PCDHA6: variants seen among roughly 807,000 people sequenced by gnomAD.
The protein encoded by PCDHA6 is protocadherin alpha-6.
PCDHA6 carries 55 observed loss-of-function variants against 60.3 expected under a neutral mutation model. The observed-to-expected ratio is 0.91, with a 90% CI of 0.73 to 1.14. The LOEUF is 1.14. Among genes scored for constraint, PCDHA6 ranks in the 50% most tolerant of loss-of-function variants. The pLI is 0.00. For missense variants in PCDHA6, 1,327 were observed against 1,256.5 expected (o/e 1.06, Z -0.85); for synonymous variants, 652 against 557.9 (o/e 1.17, Z -2.38).
At chr5:140,960,148 T>C (rs782110022) in intron 1 of PCDHA6, among the ~76,000 whole-genome samples, 16 of 152,198 alleles carry the variant, frequency 1.1e-4, no homozygotes, top group Admixed American at 4.6e-4. Context: ...ATTAATAGCT[T>C]GAGACTGATA....
chr5:140,849,506 T>C, intron 1 of PCDHA6: 1 of 1,596,374 alleles, frequency 6.3e-7, no homozygotes, highest in African/African-American at 1.4e-5. Context: ...GTACACTTCT[T>C]GTGGAAGTTG....
At chr5:141,007,878 C>G (rs1316002060) in intron 3 of PCDHA6, among the ~76,000 whole-genome samples, 5 of 152,212 alleles carry the variant, frequency 3.3e-5, no homozygotes, top group African/African-American at 7.2e-5. Flanking sequence ...TTGTCTTACA[C>G]TTCTTTAAAA....
intron 1 of PCDHA6, among the ~76,000 whole-genome samples, chr5:140,888,192 A>T (rs906159358): frequency 6.6e-6 from 1 of 152,120 alleles, no homozygotes; most frequent in Non-Finnish European, 1.5e-5. Context: ...TGAATTTTAC[A>T]TTGTCGGATG....
At position 140,969,285 on chromosome 5, in the gene PCDHA6, C is replaced by T. The variant is rs782734189; in HGVS notation, c.2395-9664C>T. The stretch of plus-strand genomic sequence containing the variant: ...CTCACAGGCCAAAGTGGTCAGAATG[C>T]TGGGAACCTGATTATTCTCAAAAAT... On this transcript the variant is annotated intron_variant, in intron 1 of 3. Coordinates refer to ENST00000529310, the MANE Select transcript of PCDHA6 (RefSeq NM_018909.4). 51 of 1,614,062 alleles carry T rather than the reference C, an allele frequency of 3.2e-5. No individual in the cohort carries two copies. The highest frequency in any genetic ancestry group is 4.3e-5 in the Non-Finnish European group (51 of 1,180,038).
At chr5:140,992,282 TG>T (rs1554252798) in intron 3 of PCDHA6, among the ~76,000 whole-genome samples, 1 of 152,178 alleles carries the variant, frequency 6.6e-6, no homozygotes, top group African/African-American at 2.4e-5. Context: ...AGCACATCCC[TG>T]CAAAGGATGG....
intron 1 of PCDHA6, chr5:140,870,179 G>T (rs184228916): frequency 2.5e-6 from 4 of 1,613,986 alleles, no homozygotes; most frequent in African/African-American, 2.7e-5. Context: ...CTCCCAGTAC[G>T]AGAGGACGCT....
At chr5:140,938,849 T>C (rs961236945) in intron 1 of PCDHA6, among the ~76,000 whole-genome samples, 1 of 152,102 alleles carries the variant, frequency 6.6e-6, no homozygotes, top group Admixed American at 6.6e-5. Flanking sequence ...CCTGCCCATG[T>C]ACCCCTGAAC....
At chr5:140,889,724 T>C (rs1198530950) in intron 1 of PCDHA6, among the ~76,000 whole-genome samples, 6 of 152,216 alleles carry the variant, frequency 3.9e-5, no homozygotes, top group African/African-American at 1.4e-4. Context: ...TGCTACTGTC[T>C]CACTGAGTAG....
chr5:140,877,657 G>T (rs1554169952), intron 1 of PCDHA6: 2 of 1,613,570 alleles, frequency 1.2e-6, no homozygotes, highest in East Asian at 2.2e-5. Context: ...GCCGCCCACC[G>T]TGAGCCGGTG....
chr5:140,911,040 A>G (rs970284436), intron 1 of PCDHA6, among the ~76,000 whole-genome samples: 15 of 152,034 alleles, frequency 9.9e-5, no homozygotes, highest in Non-Finnish European at 2.2e-4. Context: ...CTAGAAGCAA[A>G]CAGGGGTGGT....
chr5:140,967,415 C>T, intron 1 of PCDHA6: 1 of 1,613,142 alleles, frequency 6.2e-7, no homozygotes, highest in African/African-American at 1.3e-5. Flanking sequence ...GGGCCTAGAC[C>T]GGGAGCAGGC....
intron 1 of PCDHA6, among the ~76,000 whole-genome samples, chr5:140,899,326 T>G (rs1203153086): frequency 6.6e-6 from 1 of 152,230 alleles, no homozygotes; most frequent in Non-Finnish European, 1.5e-5. Flanking sequence ...TGGCTGTGGG[T>G]TTGTCATAGA....
In PCDHA6 at chr5:140,928,021, T is replaced by G. The variant is rs1554205382; in HGVS notation, c.2395-50928T>G. ...CCTCGATTCTAATGGTAGGGTCATT[T>G]GTGGCATGTCTAGTGCAGGCCCTTT... On this transcript the variant is annotated intron_variant, in intron 1 of 3. Coordinates refer to ENST00000529310, the MANE Select transcript of PCDHA6 (RefSeq NM_018909.4). 3 of 1,614,220 alleles carry G rather than the reference T, an allele frequency of 1.9e-6. No individual in the cohort carries two copies. The African/African-American group carries it at 4.0e-5, about 22-fold the overall frequency.
intron 1 of PCDHA6, among the ~76,000 whole-genome samples, chr5:140,923,134 G>A (rs962370475): frequency 3.9e-5 from 6 of 152,106 alleles, no homozygotes; most frequent in African/African-American, 1.2e-4. Flanking sequence ...CACTTTGAAG[G>A]TGGAATATAA....
At chr5:140,846,534 C>T (rs1554141358) in intron 1 of PCDHA6, among the ~76,000 whole-genome samples, 2 of 148,222 alleles carry the variant, frequency 1.3e-5, no homozygotes, top group African/African-American at 4.9e-5. Context: ...GCCACCATGC[C>T]CTGCTAATTT....
rs1554202548 is a variant in PCDHA6 at position 140,925,108 on chromosome 5, G to GGAAGGAAGGAAGGAAGGAAGGAAGGAA, written c.2395-53840_2395-53839insAAGGAAGGAAGGAAGGAAGGAAGGAAG. On this transcript the variant is annotated intron_variant, in intron 1 of 3. Transcript: ENST00000529310. ...AAGGAAGGAAGGAAGGAAGGAAGGA[G>GGAAGGAAGGAAGGAAGGAAGGAAGGAA]GGAAGGAAGGAAGGAAAAAAAATTT... Among the ~76,000 whole-genome samples, 52 of 124,778 alleles carry GGAAGGAAGGAAGGAAGGAAGGAAGGAA rather than the reference G, an allele frequency of 4.2e-4. No individual in the cohort carries two copies. The Middle Eastern group carries it at 0.013, about 31-fold the overall frequency. The allele number at this position is 124,778 out of a possible 152,430, so 81.9% of individuals were successfully genotyped here. A position where few individuals can be genotyped will look rare whatever the true frequency, so the allele number is the denominator to read the frequency against.
rs115890668 is a variant in PCDHA6 at position 140,925,958 on chromosome 5, A to G, written c.2395-52991A>G. Among the ~76,000 whole-genome samples, 1,223 of 152,250 alleles carry G rather than the reference A, an allele frequency of 8.0e-3. 5 individuals carry two copies. The highest frequency in any genetic ancestry group is 0.019 in the African/African-American group (788 of 41,548). On this transcript the variant is annotated intron_variant, in intron 1 of 3. Coordinates refer to ENST00000529310, the MANE Select transcript of PCDHA6 (RefSeq NM_018909.4). ...GCCTCTTGGAGAAGGAGAAACTGCT[A>G]TCACGCAAAAAAAAAGCCTTGAGCT... is the stretch of plus-strand genomic sequence containing the variant.
chr5:140,873,497 T>C (rs1236825837), intron 1 of PCDHA6, among the ~76,000 whole-genome samples: 1 of 152,230 alleles, frequency 6.6e-6, no homozygotes, highest in Non-Finnish European at 1.5e-5. Context: ...TGCAAAGTTG[T>C]GTCTTTTATA....
intron 1 of PCDHA6, chr5:140,852,361 T>A (rs1235352793): frequency 4.9e-6 from 1 of 205,518 alleles, no homozygotes; most frequent in East Asian, 1.9e-4. Context: ...CACTGCAACG[T>A]CTGCCTCCTG....
Sources: gnomAD v4.1 joint callset for allele counts (sites outside exome capture counted in the v4.1 genomes callset) on GRCh38, gnomAD v4.1.1 for gene constraint, MANE v1.5 for transcripts, NCBI Gene and HGNC (gene_info 2026-07-23, HGNC 2026-07-21) for gene names.